ADCYAP1R1: variants seen among roughly 807,000 people sequenced by gnomAD.
ADCYAP1R1 encodes pituitary adenylate cyclase-activating polypeptide type I receptor.
In ADCYAP1R1, 44 loss-of-function variants were observed where a neutral mutation model predicts 67.6. The observed-to-expected ratio is 0.65, with a 90% CI of 0.51 to 0.84. The LOEUF (loss-of-function observed/expected upper bound fraction) is 0.84. Ranked by LOEUF, ADCYAP1R1 falls within the 40% of genes least tolerant of loss-of-function variation. ADCYAP1R1 has a pLI of 0.00. For synonymous variants in ADCYAP1R1, 222 were observed against 219.6 expected (o/e 1.01, Z -0.10); for missense variants, 477 against 587.9 (o/e 0.81, Z 1.95).
At chr7:31,065,458 C>T (rs764643252) in intron 3 of ADCYAP1R1, among the ~76,000 whole-genome samples, 81 of 152,338 alleles carry the variant, frequency 5.3e-4, no homozygotes, top group Non-Finnish European at 8.2e-4. Context: ...GGTCCTGCTT[C>T]CCTCCACTGG....
chr7:31,064,978 G>A (rs1794676073), intron 3 of ADCYAP1R1, 42 bp downstream of exon 3: 5 of 1,478,570 alleles, frequency 3.4e-6, no homozygotes, highest in South Asian at 2.5e-5. Context: ...CCCAGTGCCA[G>A]CTTTTAGAAC....
chr7:31,082,359 A>G (rs934209228), intron 6 of ADCYAP1R1, among the ~76,000 whole-genome samples: 1 of 152,230 alleles, frequency 6.6e-6, no homozygotes, highest in African/African-American at 2.4e-5. Context: ...TATCAGAACA[A>G]TACAGTGGCA....
chr7:31,094,560 C>A (rs1267700573), intron 13 of ADCYAP1R1, among the ~76,000 whole-genome samples: 1 of 151,994 alleles, frequency 6.6e-6, no homozygotes, highest in Non-Finnish European at 1.5e-5. Flanking sequence ...CTACTGAGGG[C>A]CCCCCAACCT....
At chr7:31,055,133 A>G (rs1304099592) in intron 1 of ADCYAP1R1, among the ~76,000 whole-genome samples, 1 of 152,186 alleles carries the variant, frequency 6.6e-6, no homozygotes, top group East Asian at 1.9e-4. Context: ...CTGGGACGGC[A>G]TATAGGCTTT....
intron 13 of ADCYAP1R1, among the ~76,000 whole-genome samples, chr7:31,093,918 C>T (rs190835904): frequency 2.3e-4 from 35 of 152,072 alleles, no homozygotes; most frequent in East Asian, 3.9e-4. Flanking sequence ...AAGAACTGCT[C>T]GGAGACCAAA....
chr7:31,092,172 G>A (rs576154680), intron 12 of ADCYAP1R1, among the ~76,000 whole-genome samples: 3 of 148,526 alleles, frequency 2.0e-5, no homozygotes, highest in East Asian at 4.0e-4. Flanking sequence ...TTTGTCCCTA[G>A]TCTTTATCTG....
At position 31,106,652 on chromosome 7, in the gene ADCYAP1R1, T is replaced by C. The variant is rs777732367; in HGVS notation, c.1375T>C (p.Ser459Pro). 3.1e-6 allele frequency: 5 copies of C among 1,611,998 alleles called. No individual in the cohort carries two copies. The highest frequency in any genetic ancestry group is 1.3e-5 in the African/African-American group (1 of 74,986). The change falls in exon 16 of 16, where the codon TCT becomes CCT. Residue 459 changes from serine to proline, a missense_variant. By Grantham distance (74) the Ser-to-Pro change is moderately conservative (BLOSUM62 -1). Transcript: ENST00000304166. ...LSKSSSQIRM[S>P]GLPADNLAT ...CAAGAGCAGCTCCCAAATCCGCATGTCTGGCCTCCCTGCTGACAATCTGGC... is the reference window on the plus strand; with the variant it reads ...CAAGAGCAGCTCCCAAATCCGCATGCCTGGCCTCCCTGCTGACAATCTGGC...
chr7:31,105,688 A>T (rs1369719438), intron 15 of ADCYAP1R1, among the ~76,000 whole-genome samples: 1 of 152,224 alleles, frequency 6.6e-6, no homozygotes, highest in Non-Finnish European at 1.5e-5. Context: ...GATCGCCCAG[A>T]CAACCTACAG....
chr7:31,108,410 C>T lies in ADCYAP1R1; in HGVS notation c.*1726C>T, dbSNP rs1228993362. 2.6e-5 allele frequency: 4 copies of T among 152,270 alleles called. No individual in the cohort carries two copies. Among genetic ancestry groups the T allele is most frequent in the Non-Finnish European group, 4.4e-5 (3 of 68,104 alleles). 9.4% of individuals were successfully genotyped at this position (152,270 alleles called of 1,614,324 possible). A position where few individuals can be genotyped will look rare whatever the true frequency, so the allele number is the denominator to read the frequency against. On this transcript the variant is annotated 3_prime_UTR_variant, in exon 16 of 16. Transcript: ENST00000304166. The stretch of plus-strand genomic sequence containing the variant: ...TGTGCAGTGGCCCTTCTACCCTGCA[C>T]CTGACCTCATGATCCCCTCCACCTG...
intron 13 of ADCYAP1R1, chr7:31,095,777 A>G (rs1796168712): frequency 1.4e-6 from 1 of 717,432 alleles, no homozygotes; most frequent in Non-Finnish European, 2.6e-6. Context: ...TGCTCAGGTG[A>G]TAAGGGTTTG....
At chr7:31,100,078 C>A in intron 13 of ADCYAP1R1, 1 of 1,523,152 alleles carries the variant, frequency 6.6e-7, no homozygotes, top group Non-Finnish European at 8.9e-7. Context: ...AGTTTCTTCA[C>A]TGCCTGGTGC....
chr7:31,098,937 G>A (rs1796324941), intron 13 of ADCYAP1R1, among the ~76,000 whole-genome samples: 1 of 152,204 alleles, frequency 6.6e-6, no homozygotes, highest in Non-Finnish European at 1.5e-5. Context: ...GAGACTCAGA[G>A]CCATGTGGTA....
chr7:31,103,411 G>A (rs751808888), intron 14 of ADCYAP1R1, 45 bp downstream of exon 14: 3 of 1,613,030 alleles, frequency 1.9e-6, no homozygotes, highest in Admixed American at 1.7e-5. Flanking sequence ...GGGAGCCAGG[G>A]CCTGGTTGCT....
At chr7:31,077,429 G>T (rs563070164) in intron 3 of ADCYAP1R1, among the ~76,000 whole-genome samples, 43 of 139,072 alleles carry the variant, frequency 3.1e-4, no homozygotes, top group African/African-American at 1.1e-3. Flanking sequence ...TGTGTGTGGT[G>T]TATATGTGTG....
intron 2 of ADCYAP1R1, 47 bp downstream of exon 2, chr7:31,063,362 T>A: frequency 6.2e-7 from 1 of 1,608,300 alleles, no homozygotes. Context: ...CTCACCTGAG[T>A]CCCCGCTCCA....
chr7:31,097,514 G>A (rs1666724608), intron 13 of ADCYAP1R1, among the ~76,000 whole-genome samples: 1 of 152,136 alleles, frequency 6.6e-6, no homozygotes, highest in Non-Finnish European at 1.5e-5. Flanking sequence ...TCCTTCAAGA[G>A]CCCTCCAGGG....
At chr7:31,074,711 A>G (rs1373530470) in intron 3 of ADCYAP1R1, among the ~76,000 whole-genome samples, 1 of 152,260 alleles carries the variant, frequency 6.6e-6, no homozygotes, top group South Asian at 2.1e-4. Context: ...TTTCAAGGAC[A>G]TGATGTCACA....
intron 8 of ADCYAP1R1, 122 bp from the exon 9 acceptor site, chr7:31,085,188 T>G (rs1584516247): frequency 7.5e-7 from 1 of 1,340,776 alleles, no homozygotes; most frequent in East Asian, 2.3e-5. Context: ...GGAAGGAGGG[T>G]GGCCTGGGTG....
intron 12 of ADCYAP1R1, among the ~76,000 whole-genome samples, chr7:31,088,930 A>G (rs1480922620): frequency 6.6e-6 from 1 of 152,206 alleles, no homozygotes; most frequent in Non-Finnish European, 1.5e-5. Context: ...TTGCGTTTAC[A>G]GACTAATTTG....
Sources: allele counts gnomAD v4.1 joint callset (sites outside exome capture counted in the v4.1 genomes callset), GRCh38; gene constraint gnomAD v4.1.1; transcripts MANE v1.5; gene names NCBI Gene and HGNC (gene_info 2026-07-23, HGNC 2026-07-21).